AMPD3: variants seen among roughly 807,000 people sequenced by gnomAD.
The protein encoded by AMPD3 is adenosine monophosphate deaminase 3, also known as AMP deaminase 3.
Under a neutral mutation model 82.3 loss-of-function variants are expected in AMPD3, and 57 were observed. The observed-to-expected ratio is 0.69, with a 90% CI of 0.56 to 0.86. AMPD3 has a LOEUF of 0.86. AMPD3 is among the 40% of genes least tolerant of loss of function. The pLI, the probability that AMPD3 is intolerant of heterozygous loss-of-function variation, is 0.00. For synonymous variants in AMPD3, 381 were observed against 394.7 expected (o/e 0.97, Z 0.41); for missense variants, 870 against 1,003.8 (o/e 0.87, Z 1.80).
chr11:10,497,549 T>C (rs573167183), intron 10 of AMPD3: 2 of 984,518 alleles, frequency 2.0e-6, no homozygotes, highest in South Asian at 9.4e-5. Flanking sequence ...TGGTGATGGA[T>C]GACTTTCTAC....
At chr11:10,497,765 CA>C (rs1225111605) in intron 10 of AMPD3, 166 of 985,242 alleles carry the variant, frequency 1.7e-4, no homozygotes, top group Middle Eastern at 1.6e-3. Context: ...TGCCTGGAGA[CA>C]GGAGGGGAGC....
chr11:10,486,793 A>G, intron 5 of AMPD3: 1 of 985,362 alleles, frequency 1.0e-6, no homozygotes, highest in South Asian at 4.7e-5. Context: ...GTGGCTGAGG[A>G]TAGAAAAGAG....
At chr11:10,504,114 TCATCTATCTATC>T in intron 13 of AMPD3, 9 of 790,674 alleles carry the variant, frequency 1.1e-5, no homozygotes, top group Non-Finnish European at 1.3e-5. Flanking sequence ...AGTACTTTAC[TCATCTATCTATC>T]TATCTATCTA....
At chr11:10,476,202 G>A (rs1301032679) in intron 2 of AMPD3, among the ~76,000 whole-genome samples, 2 of 152,176 alleles carry the variant, frequency 1.3e-5, no homozygotes, top group African/African-American at 4.8e-5. Flanking sequence ...AGGGGAGTGA[G>A]CCCTGAGGAG....
At chr11:10,503,650 A>C (rs1849637373) in intron 13 of AMPD3, among the ~76,000 whole-genome samples, 1 of 152,250 alleles carries the variant, frequency 6.6e-6, no homozygotes, top group African/African-American at 2.4e-5. Context: ...AAACCACATC[A>C]ATAAACCAAT....
chr11:10,460,081 T>TAATATATAATATATA (rs1489333381), intron 1 of AMPD3, among the ~76,000 whole-genome samples: 2 of 144,130 alleles, frequency 1.4e-5, no homozygotes, highest in Non-Finnish European at 3.0e-5. Flanking sequence ...ATAATATATA[T>TAATATATAATATATA]TTTATATATA....
At chr11:10,499,235 T>A in intron 10 of AMPD3, 1 of 145,300 alleles carries the variant, frequency 6.9e-6, no homozygotes, top group Non-Finnish European at 1.5e-5. Context: ...TTGTTTTTTG[T>A]TTTTTTTAGA....
At chr11:10,455,241 A>G (rs922840072), upstream of AMPD3, 1 of 985,404 alleles carries the variant, frequency 1.0e-6, no homozygotes, top group Non-Finnish European at 1.2e-6. Context: ...CTGGGAGGCT[A>G]TGTGTCTGTT....
At chr11:10,496,993 T>A in intron 10 of AMPD3, 55 bp downstream of exon 10, 1 of 1,601,804 alleles carries the variant, frequency 6.2e-7, no homozygotes, top group South Asian at 1.1e-5. Context: ...CAGGAATGGA[T>A]TCGCTGTGAG....
intron 14 of AMPD3, among the ~76,000 whole-genome samples, chr11:10,504,878 T>G (rs1198769257): frequency 6.6e-6 from 1 of 152,216 alleles, no homozygotes; most frequent in East Asian, 1.9e-4. Flanking sequence ...CCTTCCCTGA[T>G]CGCCCATTCT....
At chr11:10,491,846 C>T (rs1180604324) in intron 6 of AMPD3, among the ~76,000 whole-genome samples, 2 of 152,138 alleles carry the variant, frequency 1.3e-5, no homozygotes. Flanking sequence ...TTTGGGTTAT[C>T]CAGATAGAGA....
chr11:10,493,205 G>C (rs951235030), intron 6 of AMPD3, 144 bp from the exon 7 acceptor site: 3 of 913,822 alleles, frequency 3.3e-6, no homozygotes, highest in Non-Finnish European at 5.4e-6. Flanking sequence ...GAGGAGAAAT[G>C]GGGGGTGGGA....
rs772705069 is a variant in AMPD3, at chr11:10,494,956, G to A, written c.1192G>A (p.Ala398Thr). 1.2e-6 allele frequency: 2 copies of A among 1,614,234 alleles called. No individual in the cohort carries two copies. The highest frequency in any genetic ancestry group is 1.7e-6 in the Non-Finnish European group (2 of 1,180,034). The change falls in exon 8 of 15, where the codon GCC becomes ACC. Residue 398 changes from alanine to threonine, a missense_variant. Ala to Thr is a moderately conservative substitution (Grantham distance 58). Coordinates refer to ENST00000396553, the MANE Select transcript of AMPD3 (RefSeq NM_001025389.2). ...CAACTCCAAATACAACCCTGTGGGGGCCAGTGAGCTGCGTGACCTGTATTT... is the reference window on the plus strand; with the variant it reads ...CAACTCCAAATACAACCCTGTGGGGACCAGTGAGCTGCGTGACCTGTATTT... ...KFNSKYNPVG[A>T]SELRDLYLKT...
chr11:10,498,274 G>A (rs191202138), intron 10 of AMPD3: 4 of 152,464 alleles, frequency 2.6e-5, no homozygotes, highest in African/African-American at 7.2e-5. Context: ...GCACTGGGGG[G>A]AGTCTAGGAT....
intron 2 of AMPD3, among the ~76,000 whole-genome samples, chr11:10,473,202 G>A (rs1015021158): frequency 3.3e-5 from 5 of 152,182 alleles, no homozygotes; most frequent in Admixed American, 3.3e-4. Flanking sequence ...CCCAGGAGCT[G>A]GAGGTTGCAG....
chr11:10,456,367 T>G lies in AMPD3; in HGVS notation c.-6+919T>G. ...ACCTCACCCGGGTGCATCACTTGAG[T>G]GGCATCTTCAGGACCAGTCATGGAG... is the stretch of plus-strand genomic sequence containing the variant. On this transcript the variant is annotated intron_variant, in intron 1 of 14. Transcript: ENST00000396553. This position sits in a 1 kb window ranked among gnomAD's most constrained non-coding sequence, Gnocchi z 4.3. 6.2e-7 allele frequency: 1 copy of G among 1,613,638 alleles called. No individual in the cohort carries two copies.
intron 14 of AMPD3, chr11:10,505,323 A>G: frequency 1.0e-6 from 1 of 985,420 alleles, no homozygotes; most frequent in Non-Finnish European, 1.2e-6. Context: ...TTTCATGCGC[A>G]GTGTGGTGCC....
At position 10,506,284 on chromosome 11, in the gene AMPD3, T is replaced by G; in HGVS notation, c.*400T>G. 1 of 248,746 alleles carries G rather than the reference T, an allele frequency of 4.0e-6. No individual in the cohort carries two copies. Among genetic ancestry groups the G allele is most frequent in the Non-Finnish European group, 8.0e-6 (1 of 124,944 alleles). 15.4% of individuals were successfully genotyped at this position (248,746 alleles called of 1,614,324 possible). On this transcript the variant is annotated 3_prime_UTR_variant, in exon 15 of 15. Transcript: ENST00000396553. The surrounding 1 kb of genome is among the most constrained non-coding windows in gnomAD (Gnocchi z 4.1). The stretch of plus-strand genomic sequence containing the variant: ...TAATTGGTAGTTGTTCATTTCAGCC[T>G]CTGGATGGCTGGCTGCCTTAAACAC...
At chr11:10,461,385 C>A in intron 1 of AMPD3, 130 bp from the exon 2 acceptor site, 3 of 1,598,518 alleles carry the variant, frequency 1.9e-6, no homozygotes, top group Non-Finnish European at 2.5e-6. Flanking sequence ...TGGGTTTGGT[C>A]TGGGGCATTC....
Sources: allele counts gnomAD v4.1 joint callset (sites outside exome capture counted in the v4.1 genomes callset), GRCh38; gene constraint gnomAD v4.1.1; non-coding constraint Gnocchi (gnomAD v3.1); transcripts MANE v1.5; gene names NCBI Gene and HGNC (gene_info 2026-07-23, HGNC 2026-07-21).